ZFP28: variants seen among roughly 807,000 people sequenced by gnomAD.
ZFP28 encodes zinc finger protein 28 homolog.
A neutral mutation model predicts 39.5 loss-of-function variants in ZFP28; 31 were observed. The ratio of observed to expected loss-of-function variants is 0.79; its 90% CI spans 0.59 to 1.06. The LOEUF (loss-of-function observed/expected upper bound fraction) is 1.06. Ranked by LOEUF, ZFP28 falls within the 50% of genes least tolerant of loss-of-function variation. The pLI, the probability that ZFP28 is intolerant of heterozygous loss-of-function variation, is 0.00. For synonymous variants in ZFP28, 400 were observed against 378.6 expected (o/e 1.06, Z -0.66); for missense variants, 925 against 1,048.4 (o/e 0.88, Z 1.63).
At chr19:56,539,559 G>T in intron 1 of ZFP28, 66 bp from the exon 2 acceptor site, 1 of 1,380,558 alleles carries the variant, frequency 7.2e-7, no homozygotes, top group Non-Finnish European at 1.0e-6. Context: ...AGGAAGGGAC[G>T]TTTCTAGGCT....
At position 56,547,235 on chromosome 19, in the gene ZFP28, GT is replaced by G; in HGVS notation, c.301-272del. ...CGTCTTCTCTCTGTGTCCTCACGTG[GT>G]CTTTTCCCTGTGCCTGCACACCGTG... On this transcript the variant is annotated intron_variant, in intron 2 of 7. Transcript: ENST00000301318. The surrounding 1 kb of genome is among the most constrained non-coding windows in gnomAD (Gnocchi z 4.6). 1.2e-5 allele frequency: 5 copies of G among 404,030 alleles called. No individual in the cohort carries two copies. Among genetic ancestry groups the G allele is most frequent in the East Asian group, 4.7e-5 (1 of 21,384 alleles). 25.0% of individuals were successfully genotyped at this position (404,030 alleles called of 1,614,324 possible).
intron 7 of ZFP28, chr19:56,551,742 A>C: frequency 1.0e-6 from 1 of 984,232 alleles, no homozygotes; most frequent in Non-Finnish European, 1.2e-6. Context: ...TTCTTTTTTT[A>C]TGAAAGAAGT....
At chr19:56,538,759 C>T (rs1371478773), upstream of ZFP28, among the ~76,000 whole-genome samples, 3 of 124,020 alleles carry the variant, frequency 2.4e-5, no homozygotes, top group African/African-American at 6.2e-5. Context: ...CCGGGCTTCT[C>T]TAGGCTGAGG....
intron 5 of ZFP28, 82 bp downstream of exon 5, chr19:56,549,203 A>G (rs1378017874): frequency 2.7e-6 from 4 of 1,486,430 alleles, no homozygotes; most frequent in Non-Finnish European, 3.6e-6. Context: ...CATGACTACA[A>G]CAACTATAAG....
chr19:56,550,984 A>C, intron 7 of ZFP28: 1 of 1,348,642 alleles, frequency 7.4e-7, no homozygotes, highest in Non-Finnish European at 9.5e-7. Flanking sequence ...ATTGAAAGTT[A>C]TGGGATTGAG....
In ZFP28 at chr19:56,553,798, A is replaced by G. The variant is rs569543415; in HGVS notation, c.1013A>G (p.Asn338Ser). The G allele has an allele frequency of 8.7e-6, 14 of 1,614,136 alleles. No homozygotes were observed. In the African/African-American group the frequency reaches 1.9e-4, roughly 22 times the overall value. The change falls in exon 8 of 8, where the codon AAT (asparagine) becomes AGT (serine). Residue 338 changes from asparagine (N) to serine (S), a missense_variant. Around this residue, in one of 2 missense-constraint regions of ZFP28, gnomAD observed 556 missense variants for 542.9 expected, o/e 1.02. Transcript: ENST00000301318. Reference sequence around the variant, plus strand: ...CTTGATTGTTCCAGTTTCAGAGAAAATTGGGATTCTGACTATGTGTTTGGA... The same window carrying G: ...CTTGATTGTTCCAGTTTCAGAGAAAGTTGGGATTCTGACTATGTGTTTGGA... ...TKLDCSSFRE[N>S]WDSDYVFGRK...
chr19:56,554,481 T>C lies in ZFP28; in HGVS notation c.1696T>C (p.Cys566Arg). The change falls in exon 8 of 8, where the codon TGC (cysteine) becomes CGC (arginine). Residue 566 changes from cysteine to arginine, a missense_variant. Coordinates refer to ENST00000301318, the MANE Select transcript of ZFP28 (RefSeq NM_020828.2). This position sits in a 1 kb window ranked among gnomAD's most constrained non-coding sequence, Gnocchi z 6.7. ...TGEKPYECDV[C>R]RKAFSHHASL... The stretch of plus-strand genomic sequence containing the variant: ...AGAAAAACCATATGAATGTGATGTT[T>C]GCAGAAAAGCCTTCAGCCATCATGC... The C allele has an allele frequency of 3.1e-6, 5 of 1,614,248 alleles. No homozygotes were observed. The highest frequency in any genetic ancestry group is 4.2e-6 in the Non-Finnish European group (5 of 1,180,040).
At chr19:56,551,425 T>C (rs562249501) in intron 7 of ZFP28, 698 of 985,630 alleles carry the variant, frequency 7.1e-4, no homozygotes, top group Non-Finnish European at 8.1e-4. Flanking sequence ...ACAGTGTATA[T>C]TCAGTTACGC....
Position 56,555,330 on chromosome 19 carries a change from T to A in ZFP28, c.2545T>A (p.Ser849Thr), listed in dbSNP as rs1352530574. The A allele has an allele frequency of 7.4e-6, 12 of 1,613,854 alleles. No homozygotes were observed. Among genetic ancestry groups the A allele is most frequent in the African/African-American group, 1.3e-5 (1 of 74,928 alleles). ...AACATGCCCCTCTTTACCTTCCACG[T>A]CAAATCCTGTGGATCTGTTTCCCAA... The part of the protein sequence containing the change: ...SSTCPSLPST[S>T]NPVDLFPKFL... Residue 849 changes from serine to threonine, a missense_variant, in exon 8 of 8, where the codon TCA becomes ACA. Ser to Thr is a moderately conservative substitution (Grantham distance 58). Coordinates refer to ENST00000301318, the MANE Select transcript of ZFP28 (RefSeq NM_020828.2).
intron 7 of ZFP28, chr19:56,551,695 T>G (rs1312043938): frequency 6.0e-5 from 59 of 984,930 alleles, no homozygotes; most frequent in Non-Finnish European, 6.8e-5. Flanking sequence ...TGAAAACTTT[T>G]GCTCATTATT....
At chr19:56,551,502 T>C in intron 7 of ZFP28, 7 of 984,918 alleles carry the variant, frequency 7.1e-6, no homozygotes, top group Non-Finnish European at 8.4e-6. Context: ...TTTACATTTC[T>C]TAGTATTAAA....
chr19:56,547,907 G>A lies in ZFP28; in HGVS notation c.523+5G>A. 6.2e-7 allele frequency: 1 copy of A among 1,614,120 alleles called. No individual in the cohort carries two copies. The highest frequency in any genetic ancestry group is 8.5e-7 in the Non-Finnish European group (1 of 1,179,990). ...TGACAAGAGCCTGGTGCCCAGGTGA[G>A]TGTGGGAGAACCAGGTAGGGTGAGG... On this transcript the variant is annotated splice_donor_5th_base_variant and intron_variant, in intron 4 of 7. Transcript: ENST00000301318. This position sits in a 1 kb window ranked among gnomAD's most constrained non-coding sequence, Gnocchi z 4.6.
intron 2 of ZFP28, among the ~76,000 whole-genome samples, chr19:56,540,969 C>CT (rs1354391016): frequency 6.6e-6 from 1 of 152,146 alleles, no homozygotes; most frequent in African/African-American, 2.4e-5. Flanking sequence ...ATGGCCCTTT[C>CT]TTTTTTTGTC....
At chr19:56,543,557 A>G (rs1176476129) in intron 2 of ZFP28, among the ~76,000 whole-genome samples, 1 of 151,872 alleles carries the variant, frequency 6.6e-6, no homozygotes, top group Non-Finnish European at 1.5e-5. Flanking sequence ...GGCGTGTGCC[A>G]CCATACCCAG....
chr19:56,549,106 G>A lies in ZFP28; in HGVS notation c.672G>A (p.Leu224=), dbSNP rs749059229. ...LLGEHWDYDA[L]FETQPGLVTI... is the part of the protein sequence containing the mutation. ...GGGAACACTGGGATTATGATGCTCT[G>A]TTTGAGACACAGCCGGTAAGTCACA... The change falls in exon 5 of 8, where the codon CTG becomes CTA. Residue 224 remains leucine, a synonymous_variant. Coordinates refer to ENST00000301318, the MANE Select transcript of ZFP28 (RefSeq NM_020828.2). 2.5e-6 allele frequency: 4 copies of A among 1,607,304 alleles called. No homozygotes were observed. In the South Asian group the frequency reaches 4.5e-5, roughly 18 times the overall value.
At chr19:56,537,228 C>A (rs568141073), upstream of ZFP28, among the ~76,000 whole-genome samples, 31 of 152,294 alleles carry the variant, frequency 2.0e-4, no homozygotes, top group South Asian at 6.0e-3. Context: ...GCTGTTTGAT[C>A]ATATAGCCTC....
chr19:56,551,357 T>C, intron 7 of ZFP28: 1 of 986,862 alleles, frequency 1.0e-6, no homozygotes, highest in Non-Finnish European at 1.2e-6. Flanking sequence ...TATCACAACA[T>C]ACACCTTAGA....
chr19:56,549,120 C>T lies in ZFP28; in HGVS notation c.686C>T (p.Pro229Leu), dbSNP rs776198048. Residue 229 changes from proline to leucine, a missense_variant and splice_region_variant, in exon 5 of 8, where the codon CCG becomes CTG. This residue lies in a region of ZFP28 where 556 missense variants were observed against 542.9 expected (regional missense o/e 1.02). Coordinates refer to ENST00000301318, the MANE Select transcript of ZFP28 (RefSeq NM_020828.2). ...TATGATGCTCTGTTTGAGACACAGC[C>T]GGTAAGTCACAAGACAAATTTCAGG... Reference protein sequence around the residue: ...WDYDALFETQPGLVTIKNLAV... With the variant: ...WDYDALFETQLGLVTIKNLAV... 141 of 1,597,284 alleles carry T rather than the reference C, an allele frequency of 8.8e-5. No homozygotes were observed. The highest frequency in any genetic ancestry group is 1.0e-4 in the Non-Finnish European group (119 of 1,171,986).
In ZFP28 at chr19:56,548,167, T is replaced by C. The variant is rs148383257; in HGVS notation, c.523+265T>C. ...ACAGTTTCTAAAGCATTGGGAATCT[T>C]ACAAGGTTTCTTTGTTCAATTCACA... On this transcript the variant is annotated intron_variant, in intron 4 of 7. Transcript: ENST00000301318. Among the ~76,000 whole-genome samples the C allele has an allele frequency of 5.3e-5, 8 of 152,348 alleles. No homozygotes were observed. The East Asian group carries it at 1.5e-3, about 29-fold the overall frequency.
Sources: gnomAD v4.1 joint callset for allele counts (sites outside exome capture counted in the v4.1 genomes callset) on GRCh38, gnomAD v4.1.1 for gene constraint, gnomAD v4.1.1 regional missense constraint, Gnocchi (gnomAD v3.1) non-coding constraint, MANE v1.5 for transcripts, NCBI Gene and HGNC (gene_info 2026-07-23, HGNC 2026-07-21) for gene names.